The following PAK5 variants were observed in gnomAD, a reference collection of about 807,000 sequenced individuals.
The protein encoded by PAK5 is p21 (RAC1) activated kinase 5.
PAK5 carries 16 observed loss-of-function variants against 65.9 expected under a neutral mutation model. The ratio of observed to expected loss-of-function variants is 0.24; its 90% CI spans 0.16 to 0.37. The LOEUF (loss-of-function observed/expected upper bound fraction) is 0.37. Among genes scored for constraint, PAK5 ranks in the 10% least tolerant of loss-of-function variants. The pLI, the probability that PAK5 is intolerant of heterozygous loss-of-function variation, is 1.00. For missense variants in PAK5, 785 were observed against 903.9 expected, an observed-to-expected ratio of 0.87 and a Z score of 1.69; for synonymous variants, 371 against 354.9, an observed-to-expected ratio of 1.05 and a Z score of -0.51.
At chr20:9,649,423 T>C (rs1028420315) in intron 2 of PAK5, among the ~76,000 whole-genome samples, 1 of 152,216 alleles carries the variant, frequency 6.6e-6, no homozygotes, top group Admixed American at 6.5e-5. Context: ...TGTTCTTCTA[T>C]GAAATATAAG....
intron 3 of PAK5, among the ~76,000 whole-genome samples, chr20:9,583,990 A>G (rs978674111): frequency 6.6e-6 from 1 of 152,030 alleles, no homozygotes; most frequent in Non-Finnish European, 1.5e-5. Context: ...TGTGGAATTC[A>G]TTATATGGAA....
intron 2 of PAK5, among the ~76,000 whole-genome samples, chr20:9,681,577 G>A (rs1440409260): frequency 6.6e-6 from 1 of 151,952 alleles, no homozygotes; most frequent in African/African-American, 2.4e-5. Context: ...CCCTGGAGAT[G>A]GCAACATAAA....
rs1210974580 is a variant in PAK5 at position 9,664,478 on chromosome 20, T to C, written c.-11-20139A>G. Among the ~76,000 whole-genome samples, 3 of 152,314 alleles carry C rather than the reference T, an allele frequency of 2.0e-5. No homozygotes were observed. The South Asian group carries it at 6.2e-4, about 32-fold the overall frequency. On this transcript the variant is annotated intron_variant, in intron 2 of 9. Coordinates refer to ENST00000353224, the MANE Select transcript of PAK5 (RefSeq NM_177990.4). The stretch of plus-strand genomic sequence containing the variant: ...AAATCAACAAGGCATATATCAAAAA[T>C]GGCTGACAAACTGCAATATTACAGC...
At chr20:9,646,092 T>C (rs1392127256) in intron 2 of PAK5, among the ~76,000 whole-genome samples, 1 of 152,232 alleles carries the variant, frequency 6.6e-6, no homozygotes, top group Admixed American at 6.5e-5. Context: ...AAAATCACCC[T>C]GAACAGCACA....
chr20:9,684,235 G>A (rs761946455), intron 2 of PAK5, among the ~76,000 whole-genome samples: 7 of 152,172 alleles, frequency 4.6e-5, no homozygotes, highest in Non-Finnish European at 7.3e-5. Context: ...TAAACTGTTT[G>A]GGCTCAGATT....
intron 6 of PAK5, among the ~76,000 whole-genome samples, chr20:9,562,233 C>T (rs2045602182): frequency 6.6e-6 from 1 of 152,160 alleles, no homozygotes; most frequent in African/African-American, 2.4e-5. Flanking sequence ...ATGTATTTCT[C>T]ATCAGTGATG....
At chr20:9,811,019 T>C (rs1380363599) in intron 1 of PAK5, among the ~76,000 whole-genome samples, 2 of 152,172 alleles carry the variant, frequency 1.3e-5, no homozygotes, top group African/African-American at 4.8e-5. Flanking sequence ...ACATCAGCAA[T>C]AGAAGCAGTA....
chr20:9,818,206 A>G (rs759813842), intron 1 of PAK5, among the ~76,000 whole-genome samples: 3 of 152,108 alleles, frequency 2.0e-5, no homozygotes, highest in Non-Finnish European at 4.4e-5. Flanking sequence ...CTCCTCTTCC[A>G]TTATTCCTCA....
intron 2 of PAK5, among the ~76,000 whole-genome samples, chr20:9,693,390 C>T (rs979712192): frequency 6.6e-6 from 1 of 151,934 alleles, no homozygotes; most frequent in African/African-American, 2.4e-5. Context: ...TCTCCCTCCT[C>T]CCTTCTGCTT....
At chr20:9,717,414 G>A (rs1364865361) in intron 1 of PAK5, among the ~76,000 whole-genome samples, 1 of 152,086 alleles carries the variant, frequency 6.6e-6, no homozygotes, top group Non-Finnish European at 1.5e-5. Flanking sequence ...AAAAAAATTA[G>A]CGTGCATTTT....
intron 3 of PAK5, among the ~76,000 whole-genome samples, chr20:9,603,917 C>T (rs971842747): frequency 1.4e-4 from 22 of 152,094 alleles, no homozygotes; most frequent in African/African-American, 5.3e-4. Flanking sequence ...ACATTGCTAA[C>T]GTCATAAAAA....
rs55923311 is a variant in PAK5 at position 9,580,782 on chromosome 20, C to T, written c.353G>A (p.Gly118Asp). 13,153 of 1,613,882 alleles carry T rather than the reference C, an allele frequency of 8.1e-3. 663 individuals are homozygous for T. The Admixed American group carries it at 0.14, about 17-fold the overall frequency. The change falls in exon 4 of 10, where the codon GGC becomes GAC. Residue 118 changes from glycine (G) to aspartate (D), a missense_variant. By Grantham distance (94) the Gly-to-Asp change is moderately conservative. Coordinates refer to ENST00000353224, the MANE Select transcript of PAK5 (RefSeq NM_177990.4). ...GATGAAGCCATTTTCTTCCGCGTGG[C>T]CTGGACCGTGGCTGGAGGCTCCCTG... ...PDQGASSHGP[G>D]HAEENGFITF... is the part of the protein sequence containing the mutation.
At chr20:9,608,030 C>T (rs1012595307) in intron 3 of PAK5, among the ~76,000 whole-genome samples, 2 of 152,116 alleles carry the variant, frequency 1.3e-5, no homozygotes, top group Non-Finnish European at 2.9e-5. Flanking sequence ...GGGCACACTT[C>T]CTGGTTCACA....
chr20:9,761,891 C>T (rs1362862473), intron 1 of PAK5, among the ~76,000 whole-genome samples: 2 of 152,018 alleles, frequency 1.3e-5, no homozygotes, highest in African/African-American at 4.8e-5. Flanking sequence ...GTTGAGAATT[C>T]TTCTTCACAG....
chr20:9,773,533 A>G (rs1262438340), intron 1 of PAK5, among the ~76,000 whole-genome samples: 1 of 152,134 alleles, frequency 6.6e-6, no homozygotes, highest in Non-Finnish European at 1.5e-5. Flanking sequence ...TAACTAGTTC[A>G]TAAGTGAAAA....
chr20:9,630,222 T>C (rs2046903895), intron 3 of PAK5, among the ~76,000 whole-genome samples: 1 of 152,188 alleles, frequency 6.6e-6, no homozygotes. Context: ...GATGCTAAAA[T>C]GAAGAGGTTC....
chr20:9,596,324 T>C (rs1039775704), intron 3 of PAK5, among the ~76,000 whole-genome samples: 9 of 152,074 alleles, frequency 5.9e-5, no homozygotes, highest in African/African-American at 2.2e-4. Flanking sequence ...AAGCTGCCAA[T>C]GTCTTCAGCA....
At chr20:9,542,852 T>C in intron 8 of PAK5, 132 bp from the exon 9 acceptor site, 1 of 810,844 alleles carries the variant, frequency 1.2e-6, no homozygotes, top group Non-Finnish European at 1.9e-6. Context: ...CAATATAGAT[T>C]TATAGGCTAA....
chr20:9,712,065 C>T lies in PAK5; in HGVS notation c.-161-630G>A, dbSNP rs150027696. On this transcript the variant is annotated intron_variant, in intron 1 of 9. Coordinates refer to ENST00000353224, the MANE Select transcript of PAK5 (RefSeq NM_177990.4). ...GCCTCCACAAAGATTTTCTAACACACGTGTTTTCTCCATAAGGCACGTGAC... is the reference window on the plus strand; with the variant it reads ...GCCTCCACAAAGATTTTCTAACACATGTGTTTTCTCCATAAGGCACGTGAC... 6.9e-4 allele frequency among the ~76,000 whole-genome samples: 105 copies of T among 152,254 alleles called. 1 individual carries two copies. The highest frequency in any genetic ancestry group is 2.4e-3 in the African/African-American group (101 of 41,546).
Sources: allele counts gnomAD v4.1 joint callset (sites outside exome capture counted in the v4.1 genomes callset), GRCh38; gene constraint gnomAD v4.1.1; transcripts MANE v1.5; gene names NCBI Gene and HGNC (gene_info 2026-07-23, HGNC 2026-07-21).